Variants in SPHKAP observed in about 807,000 individuals in gnomAD.
SPHKAP encodes the protein A-kinase anchor protein SPHKAP.
In SPHKAP, 67 loss-of-function variants were observed where a neutral mutation model predicts 137.5. That is an observed-to-expected ratio of 0.49 (90% CI 0.40 to 0.60). The LOEUF (loss-of-function observed/expected upper bound fraction) is 0.60. Ranked by LOEUF, SPHKAP falls within the 20% of genes least tolerant of loss-of-function variation. SPHKAP has a pLI of 0.00. For missense variants in SPHKAP, 2,097 were observed against 2,069.3 expected (o/e 1.01, Z -0.26); for synonymous variants, 813 against 785.3 (o/e 1.04, Z -0.59).
At chr2:228,027,393 G>T in intron 4 of SPHKAP, 91 bp downstream of exon 4, 1 of 1,300,552 alleles carries the variant, frequency 7.7e-7, no homozygotes, top group Non-Finnish European at 1.1e-6. Flanking sequence ...TAACTAAAGA[G>T]TCTCCTACAA....
chr2:228,044,376 TATC>T (rs574359969), intron 3 of SPHKAP, among the ~76,000 whole-genome samples: 1 of 152,186 alleles, frequency 6.6e-6, no homozygotes, highest in Non-Finnish European at 1.5e-5. Context: ...CCAGATTGAA[TATC>T]TATATTAATA....
intron 3 of SPHKAP, among the ~76,000 whole-genome samples, chr2:228,092,457 C>CAA (rs1697816002): frequency 1.1e-4 from 1 of 9,522 alleles, no homozygotes; most frequent in East Asian, 3.4e-3. Flanking sequence ...TATATGTATA[C>CAA]ATATATGTGC....
chr2:228,172,163 TA>T (rs1391434758), intron 1 of SPHKAP, among the ~76,000 whole-genome samples: 1 of 151,900 alleles, frequency 6.6e-6, no homozygotes, highest in African/African-American at 2.4e-5. Context: ...AATGAAAGAA[TA>T]AAAAAAGGAA....
intron 2 of SPHKAP, among the ~76,000 whole-genome samples, chr2:228,122,559 A>G (rs1348543039): frequency 1.3e-5 from 2 of 152,164 alleles, no homozygotes; most frequent in Non-Finnish European, 1.5e-5. Flanking sequence ...GGTGGCTTAA[A>G]ATTTTCCCAC....
rs558795206 is a variant in SPHKAP at position 228,007,601 on chromosome 2, T to C, written c.4448+8805A>G. On this transcript the variant is annotated intron_variant, in intron 7 of 11. Coordinates refer to ENST00000392056, the MANE Select transcript of SPHKAP (RefSeq NM_001142644.2). Reference sequence around the variant, plus strand: ...AGTGCTTGGCGTATCTCATTTAACATAACATCCTCTAGGTTCATTCATGTT... The same window carrying C: ...AGTGCTTGGCGTATCTCATTTAACACAACATCCTCTAGGTTCATTCATGTT... 3.4e-4 allele frequency among the ~76,000 whole-genome samples: 51 copies of C among 152,200 alleles called. 1 individual carries two copies. The highest frequency in any genetic ancestry group is 3.1e-3 in the Admixed American group (47 of 15,276).
intron 2 of SPHKAP, among the ~76,000 whole-genome samples, chr2:228,122,012 C>A (rs1033354612): frequency 6.6e-6 from 1 of 151,906 alleles, no homozygotes; most frequent in Non-Finnish European, 1.5e-5. Context: ...ACAGAGGAGA[C>A]CTTGAGGCCA....
At position 228,017,971 on chromosome 2, in the gene SPHKAP, T is replaced by A. The variant is rs1408871176; in HGVS notation, c.2883A>T (p.Ala961=). 3 of 1,614,052 alleles carry A rather than the reference T, an allele frequency of 1.9e-6. No homozygotes were observed. The highest frequency in any genetic ancestry group is 2.5e-6 in the Non-Finnish European group (3 of 1,180,036). Residue 961 remains alanine, a synonymous_variant, in exon 7 of 12, where the codon GCA becomes GCT. Coordinates refer to ENST00000392056, the MANE Select transcript of SPHKAP (RefSeq NM_001142644.2). ...NSSGKQPWFC[A]WKRGSEFLMT... The stretch of plus-strand genomic sequence containing the variant: ...TCAGAAACTCACTCCCTCTTTTCCA[T>A]GCACAAAACCAGGGTTGTTTTCCAC...
At chr2:227,992,594 G>T (rs1319585259) in intron 9 of SPHKAP, among the ~76,000 whole-genome samples, 2 of 151,944 alleles carry the variant, frequency 1.3e-5, no homozygotes, top group Non-Finnish European at 2.9e-5. Flanking sequence ...TTGGTTTTTG[G>T]TTTCTCCTTA....
rs745500250 is a variant in SPHKAP at position 228,017,859 on chromosome 2, G to A, written c.2995C>T (p.Arg999Trp). Residue 999 changes from arginine to tryptophan, a missense_variant, in exon 7 of 12, where the codon CGG (arginine) becomes TGG (tryptophan). Coordinates refer to ENST00000392056, the MANE Select transcript of SPHKAP (RefSeq NM_001142644.2). Reference protein sequence around the residue: ...GTAVRKHKPPRLSEIKRKTDE... With the variant: ...GTAVRKHKPPWLSEIKRKTDE... ...GTCTTCCTCTTGATCTCACTGAGCCGGGGAGGCTTGTGTTTCCTCACAGCG... is the reference window on the plus strand; with the variant it reads ...GTCTTCCTCTTGATCTCACTGAGCCAGGGAGGCTTGTGTTTCCTCACAGCG... 3.7e-6 allele frequency: 6 copies of A among 1,613,922 alleles called. No individual in the cohort carries two copies. The highest frequency in any genetic ancestry group is 1.1e-5 in the South Asian group (1 of 91,050).
chr2:228,013,172 A>G (rs1694452291), intron 7 of SPHKAP, among the ~76,000 whole-genome samples: 1 of 152,214 alleles, frequency 6.6e-6, no homozygotes, highest in Non-Finnish European at 1.5e-5. Context: ...AGAAAATGTA[A>G]TCTAAATATG....
chr2:227,994,862 C>T (rs1207009889), intron 8 of SPHKAP, among the ~76,000 whole-genome samples: 1 of 152,214 alleles, frequency 6.6e-6, no homozygotes, highest in African/African-American at 2.4e-5. Context: ...CACCCAGATG[C>T]TGATCCCATT....
intron 2 of SPHKAP, chr2:228,109,326 A>G: frequency 1.0e-6 from 1 of 977,074 alleles, no homozygotes; most frequent in Non-Finnish European, 1.2e-6. Context: ...TCAATTAACA[A>G]AATATGGGGT....
chr2:228,008,294 GTT>G (rs200238267), intron 7 of SPHKAP, among the ~76,000 whole-genome samples: 9 of 137,398 alleles, frequency 6.6e-5, no homozygotes, highest in East Asian at 2.1e-4. Context: ...TCTTCTAGGA[GTT>G]TTTTTTTTTT....
intron 1 of SPHKAP, among the ~76,000 whole-genome samples, chr2:228,157,160 CTT>C (rs1700130897): frequency 6.6e-6 from 1 of 152,088 alleles, no homozygotes; most frequent in Non-Finnish European, 1.5e-5. Context: ...GAATATTACT[CTT>C]ATAAAGTAAA....
intron 11 of SPHKAP, among the ~76,000 whole-genome samples, chr2:227,989,323 A>C (rs1226609724): frequency 6.6e-6 from 1 of 152,208 alleles, no homozygotes; most frequent in Non-Finnish European, 1.5e-5. Context: ...ATTTGCTCCT[A>C]GTCAAAAAGG....
intron 3 of SPHKAP, among the ~76,000 whole-genome samples, chr2:228,053,188 C>T (rs1217776313): frequency 2.0e-5 from 3 of 152,092 alleles, no homozygotes; most frequent in African/African-American, 7.2e-5. Context: ...GTCTCTTCTT[C>T]TTTTCATAAG....
chr2:227,987,865 A>C (rs187045760), intron 11 of SPHKAP, among the ~76,000 whole-genome samples: 34 of 152,320 alleles, frequency 2.2e-4, no homozygotes, highest in East Asian at 1.2e-3. Flanking sequence ...TAATTAGCCC[A>C]AAAAAATTTT....
chr2:228,166,161 C>T (rs1280195534), intron 1 of SPHKAP, among the ~76,000 whole-genome samples: 1 of 152,014 alleles, frequency 6.6e-6, no homozygotes, highest in East Asian at 1.9e-4. Flanking sequence ...ATTGATGAGG[C>T]TGTTTATGAG....
intron 1 of SPHKAP, among the ~76,000 whole-genome samples, chr2:228,147,393 A>G (rs545285241): frequency 3.4e-4 from 52 of 152,354 alleles, no homozygotes; most frequent in African/African-American, 1.2e-3. Context: ...CAAGATGCAT[A>G]TAGTTTACAA....
Sources: allele counts gnomAD v4.1 joint callset (sites outside exome capture counted in the v4.1 genomes callset), GRCh38; gene constraint gnomAD v4.1.1; transcripts MANE v1.5; gene names NCBI Gene and HGNC (gene_info 2026-07-23, HGNC 2026-07-21).